The following CPT1A variants were observed in gnomAD, a reference collection of about 807,000 sequenced individuals.
CPT1A encodes the protein carnitine palmitoyltransferase 1A.
CPT1A carries 64 observed loss-of-function variants against 100.8 expected under a neutral mutation model. That is an observed-to-expected ratio of 0.63 (90% confidence interval 0.52 to 0.78). The LOEUF (loss-of-function observed/expected upper bound fraction) is 0.78, where lower values mean the gene tolerates loss of function less well. Ranked by LOEUF, CPT1A falls within the 30% of genes least tolerant of loss-of-function variation. CPT1A has a pLI of 0.00. For missense variants in CPT1A, 802 were observed against 1,034.1 expected, an observed-to-expected ratio of 0.78 and a Z score of 3.08; for synonymous variants, 363 against 396.0, an observed-to-expected ratio of 0.92 and a Z score of 0.99.
rs1856078426 is a variant in CPT1A at position 68,807,504 on chromosome 11, T to C, written c.416A>G (p.Glu139Gly). 1 of 1,614,010 alleles carries C rather than the reference T, an allele frequency of 6.2e-7. No homozygotes were observed. The highest frequency in any genetic ancestry group is 1.7e-5 in the Admixed American group (1 of 59,992). The change falls in exon 4 of 19, where the codon GAG becomes GGG. Residue 139 changes from glutamate to glycine, a missense_variant. This residue lies in a region of CPT1A where 161 missense variants were observed against 183.7 expected (regional missense o/e 0.88). Coordinates refer to ENST00000265641, the MANE Select transcript of CPT1A (RefSeq NM_001876.4). ...GGTGGCACGACTCATCTTGCCGTGC[T>C]CAGTGAACATCCACCCGTGGTAGGA... ...LLSYHGWMFT[E>G]HGKMSRATKI... is the part of the protein sequence containing the mutation.
In CPT1A at chr11:68,841,141, C is replaced by A. The variant is rs989079202; in HGVS notation, c.-14+634G>T. Among the ~76,000 whole-genome samples, 1 of 152,200 alleles carries A rather than the reference C, an allele frequency of 6.6e-6. No individual in the cohort carries two copies. The highest frequency in any genetic ancestry group is 6.5e-5 in the Admixed American group (1 of 15,288). On this transcript the variant is annotated intron_variant, in intron 1 of 18. Coordinates refer to ENST00000265641, the MANE Select transcript of CPT1A (RefSeq NM_001876.4). This position sits in a 1 kb window ranked among gnomAD's most constrained non-coding sequence, Gnocchi z 6.3. The stretch of plus-strand genomic sequence containing the variant: ...GAGACGGACGCTGGGATGGGGTCAG[C>A]GGCGCCCTGCCGAATCCCGAGGGCC...
chr11:68,766,326 G>C (rs1250682529), intron 14 of CPT1A, among the ~76,000 whole-genome samples: 1 of 152,102 alleles, frequency 6.6e-6, no homozygotes, highest in African/African-American at 2.4e-5. Context: ...AAGCTTAGAA[G>C]AGACCCACAG....
chr11:68,772,366 G>C (rs933211859), intron 14 of CPT1A, among the ~76,000 whole-genome samples: 2 of 152,042 alleles, frequency 1.3e-5, no homozygotes, highest in Admixed American at 1.3e-4. Context: ...AAAAAAAGTT[G>C]GGAATATCTC....
chr11:68,783,102 T>C (rs991720683), intron 10 of CPT1A, among the ~76,000 whole-genome samples: 2 of 152,088 alleles, frequency 1.3e-5, no homozygotes, highest in Admixed American at 6.5e-5. Context: ...CCACAGCAGA[T>C]ACCGAACAAC....
intron 17 of CPT1A, 151 bp from the exon 18 acceptor site, chr11:68,759,812 G>A (rs1004711484): frequency 2.8e-6 from 2 of 703,604 alleles, no homozygotes; most frequent in Non-Finnish European, 5.2e-6. Context: ...CGGGTCACTT[G>A]AGCCCAGGGG....
At chr11:68,807,354 C>G in intron 4 of CPT1A, 113 bp downstream of exon 4, 1 of 1,128,644 alleles carries the variant, frequency 8.9e-7, no homozygotes, top group Non-Finnish European at 1.3e-6. Context: ...GCCCAAGTCA[C>G]CAACCAAGCA....
intron 3 of CPT1A, among the ~76,000 whole-genome samples, chr11:68,808,872 G>A (rs1856120286): frequency 6.6e-6 from 1 of 151,358 alleles, no homozygotes; most frequent in Non-Finnish European, 1.5e-5. Flanking sequence ...TTGGGAGGCT[G>A]AGATGGGTGG....
At chr11:68,828,252 C>A (rs1361011725) in intron 1 of CPT1A, among the ~76,000 whole-genome samples, 1 of 152,240 alleles carries the variant, frequency 6.6e-6, no homozygotes, top group Non-Finnish European at 1.5e-5. Flanking sequence ...CGTCTGAGTG[C>A]CCTGCCCACC....
intron 1 of CPT1A, among the ~76,000 whole-genome samples, chr11:68,816,091 G>A (rs141224371): frequency 1.1e-3 from 160 of 152,222 alleles, no homozygotes; most frequent in Non-Finnish European, 2.1e-3. Context: ...TCAGCAACTC[G>A]CACAGCACAG....
At chr11:68,793,224 A>T in intron 9 of CPT1A, 91 bp downstream of exon 9, 1 of 903,638 alleles carries the variant, frequency 1.1e-6, no homozygotes, top group Non-Finnish European at 1.7e-6. Flanking sequence ...GGTCAGCAAA[A>T]ATCAATTTGG....
At chr11:68,784,711 A>G in intron 10 of CPT1A, 104 bp downstream of exon 10, 1 of 1,103,904 alleles carries the variant, frequency 9.1e-7, no homozygotes, top group East Asian at 2.5e-5. Flanking sequence ...CGAGGTGGGG[A>G]GTCCCGTGCC....
intron 3 of CPT1A, among the ~76,000 whole-genome samples, chr11:68,808,347 G>A (rs924654865): frequency 6.6e-6 from 1 of 151,408 alleles, no homozygotes; most frequent in Non-Finnish European, 1.5e-5. Flanking sequence ...GTAAAGATGG[G>A]ACTTTAAAAA....
At chr11:68,814,265 A>G (rs1003783916) in intron 2 of CPT1A, among the ~76,000 whole-genome samples, 2 of 152,210 alleles carry the variant, frequency 1.3e-5, no homozygotes, top group African/African-American at 4.8e-5. Flanking sequence ...AATTGAGAAC[A>G]TGTGGACTCA....
intron 1 of CPT1A, among the ~76,000 whole-genome samples, chr11:68,820,360 A>C (rs1856550031): frequency 6.6e-6 from 1 of 151,856 alleles, no homozygotes; most frequent in Non-Finnish European, 1.5e-5. Context: ...TCAGTTATCC[A>C]TGGTCAACCA....
At chr11:68,817,068 G>A (rs1322941555) in intron 1 of CPT1A, among the ~76,000 whole-genome samples, 1 of 124,456 alleles carries the variant, frequency 8.0e-6, no homozygotes, top group Non-Finnish European at 1.7e-5. Flanking sequence ...GGGTGGGTGT[G>A]TGTGGGTGCG....
In CPT1A at chr11:68,807,487, G is replaced by C. The variant is rs763241992; in HGVS notation, c.433C>G (p.Arg145Gly). ...ATTACCATCCAGATCTTGGTGGCAC[G>C]ACTCATCTTGCCGTGCTCAGTGAAC... ...WMFTEHGKMS[R>G]ATKIWMGMVK... The change falls in exon 4 of 19, where the codon CGT becomes GGT. Residue 145 changes from arginine to glycine, a missense_variant. This residue lies in a region of CPT1A where 161 missense variants were observed against 183.7 expected (regional missense o/e 0.88). Coordinates refer to ENST00000265641, the MANE Select transcript of CPT1A (RefSeq NM_001876.4). 5.6e-5 allele frequency: 90 copies of C among 1,613,908 alleles called. No homozygotes were observed. The highest frequency in any genetic ancestry group is 6.9e-5 in the Non-Finnish European group (82 of 1,179,994).
At position 68,758,267 on chromosome 11, in the gene CPT1A, A is replaced by AAAACAAAC. The variant is rs891628009; in HGVS notation, c.2236-545_2236-538dup. Reference sequence around the variant, plus strand: ...TGGGTGGCAGAGTGAGACCCTGTCTAAAACAAACAAACAAACAAACAACAA... The same window carrying AAAACAAAC: ...TGGGTGGCAGAGTGAGACCCTGTCTAAAACAAACAAACAAACAAACAAACAAACAACAA... On this transcript the variant is annotated intron_variant, in intron 18 of 18. Transcript: ENST00000265641. 2.7e-5 allele frequency among the ~76,000 whole-genome samples: 4 copies of AAAACAAAC among 146,780 alleles called. No homozygotes were observed. The South Asian group carries it at 6.6e-4, about 24-fold the overall frequency.
At chr11:68,825,857 C>T (rs1856713020) in intron 1 of CPT1A, among the ~76,000 whole-genome samples, 1 of 152,184 alleles carries the variant, frequency 6.6e-6, no homozygotes, top group Non-Finnish European at 1.5e-5. Context: ...TCTCCCACCT[C>T]TGAGTCACCG....
chr11:68,805,347 A>C lies in CPT1A; in HGVS notation c.454-1246T>G, dbSNP rs528284505. Among the ~76,000 whole-genome samples, 103 of 151,958 alleles carry C rather than the reference A, an allele frequency of 6.8e-4. 1 individual carries two copies. The highest frequency in any genetic ancestry group is 2.4e-3 in the African/African-American group (99 of 41,406). On this transcript the variant is annotated intron_variant, in intron 4 of 18. Coordinates refer to ENST00000265641, the MANE Select transcript of CPT1A (RefSeq NM_001876.4). ...GTGCCTGTGGTCCCAGCTACTGTGGAGGCTGAGGTGAGAGAATCGCTTGAG... is the reference window on the plus strand; with the variant it reads ...GTGCCTGTGGTCCCAGCTACTGTGGCGGCTGAGGTGAGAGAATCGCTTGAG...
Sources: gnomAD v4.1 joint callset for allele counts (sites outside exome capture counted in the v4.1 genomes callset) on GRCh38, gnomAD v4.1.1 for gene constraint, gnomAD v4.1.1 regional missense constraint, Gnocchi (gnomAD v3.1) non-coding constraint, MANE v1.5 for transcripts, NCBI Gene and HGNC (gene_info 2026-07-23, HGNC 2026-07-21) for gene names.